The following ADAMTSL1 variants were observed in gnomAD, a reference collection of about 807,000 sequenced individuals.
The protein encoded by ADAMTSL1 is ADAMTS-like protein 1.
A neutral mutation model predicts 201.8 loss-of-function variants in ADAMTSL1; 126 were observed. The ratio of observed to expected loss-of-function variants is 0.62; its 90% CI spans 0.54 to 0.72. The LOEUF (loss-of-function observed/expected upper bound fraction) is 0.72, where lower values mean the gene tolerates loss of function less well. Among genes scored for constraint, ADAMTSL1 ranks in the 30% least tolerant of loss-of-function variants. The pLI is 0.00. For missense variants in ADAMTSL1, 2,679 were observed against 2,277.8 expected, an observed-to-expected ratio of 1.18 and a Z score of -3.59; for synonymous variants, 1,121 against 903.4, an observed-to-expected ratio of 1.24 and a Z score of -4.32.
chr9:18,654,823 G>T (rs1333064604), intron 7 of ADAMTSL1, among the ~76,000 whole-genome samples: 1 of 152,206 alleles, frequency 6.6e-6, no homozygotes, highest in Non-Finnish European at 1.5e-5. Flanking sequence ...CAGGCATACT[G>T]ATGTATGTTC....
rs541978289 is a variant in ADAMTSL1, at chr9:17,925,772, G to A, written c.87+18850G>A. Among the ~76,000 whole-genome samples, 77 of 149,192 alleles carry A rather than the reference G, an allele frequency of 5.2e-4. 1 individual carries two copies. The highest frequency in any genetic ancestry group is 1.8e-3 in the African/African-American group (72 of 40,580). On this transcript the variant is annotated intron_variant, in intron 1 of 29. Transcript: ENST00000680146. ...CTAATGCTAGATGACGAGTTAGTGG[G>A]TGCAGCGCACCAGCATGGCGCATGT...
chr9:18,817,762 AGAG>A (rs1662466545), intron 21 of ADAMTSL1, among the ~76,000 whole-genome samples: 1 of 152,256 alleles, frequency 6.6e-6, no homozygotes, highest in Non-Finnish European at 1.5e-5. Context: ...ACTGTAGTTT[AGAG>A]GAGAAGTCAT....
intron 13 of ADAMTSL1, among the ~76,000 whole-genome samples, chr9:18,685,544 G>T (rs778257614): frequency 6.1e-4 from 93 of 152,254 alleles, no homozygotes; most frequent in Non-Finnish European, 1.2e-3. Flanking sequence ...AAATTTCTCA[G>T]GTTGAAAAAT....
At chr9:18,761,621 A>G (rs1820075181) in intron 16 of ADAMTSL1, among the ~76,000 whole-genome samples, 2 of 152,248 alleles carry the variant, frequency 1.3e-5, no homozygotes, top group South Asian at 4.2e-4. Flanking sequence ...TTCTCTTGCC[A>G]TTGCTCCTTT....
rs147402506 is a variant in ADAMTSL1, at chr9:18,747,260, G to A, written c.2007-6038G>A. ...ACCTAACCTCTCAGAGTCTCTGTTA[G>A]CTGATCCTGTAAAATGGGGAAACTT... On this transcript the variant is annotated intron_variant, in intron 15 of 28. Transcript: ENST00000380548. Among the ~76,000 whole-genome samples the A allele has an allele frequency of 6.9e-4, 105 of 152,268 alleles. 2 individuals carry two copies. In the East Asian group the frequency reaches 0.019, roughly 28 times the overall value.
At chr9:18,893,596 C>G (rs1829432358) in intron 26 of ADAMTSL1, among the ~76,000 whole-genome samples, 2 of 152,218 alleles carry the variant, frequency 1.3e-5, no homozygotes, top group Admixed American at 1.3e-4. Context: ...CTTCTGGTAA[C>G]ATCAGTGCTG....
intron 4 of ADAMTSL1, among the ~76,000 whole-genome samples, chr9:18,595,897 T>C (rs966092229): frequency 6.6e-6 from 1 of 152,166 alleles, no homozygotes; most frequent in Non-Finnish European, 1.5e-5. Context: ...GTCTGCACTC[T>C]CAAAATGACC....
chr9:18,244,135 T>C (rs1380923765), intron 2 of ADAMTSL1, among the ~76,000 whole-genome samples: 1 of 151,478 alleles, frequency 6.6e-6, no homozygotes, highest in Non-Finnish European at 1.5e-5. Flanking sequence ...GTGTGGCCAA[T>C]TCATAGCTGC....
In ADAMTSL1 at chr9:18,504,852, G is replaced by C. The variant is rs1823034339; in HGVS notation, c.87G>C (p.Glu29Asp). ...AGAGTTCCAGGACCGCACGCTCCGA[G>C]GAGGACCGGGACGGCCTATGGGATG... ...LLLSSRTARSEEDRDGLWDAW... is the reference protein window; with the variant it reads ...LLLSSRTARSDEDRDGLWDAW... Residue 29 changes from glutamate (E) to aspartate (D), a missense_variant, in exon 2 of 29, where the codon GAG becomes GAC. Transcript: ENST00000380548. The C allele has an allele frequency of 6.2e-7, 1 of 1,614,152 alleles. No homozygotes were observed. The highest frequency in any genetic ancestry group is 8.5e-7 in the Non-Finnish European group (1 of 1,180,020).
intron 15 of ADAMTSL1, among the ~76,000 whole-genome samples, chr9:18,752,544 C>T (rs1484922191): frequency 1.3e-5 from 2 of 152,200 alleles, no homozygotes; most frequent in Non-Finnish European, 1.5e-5. Flanking sequence ...GCTGCATCAG[C>T]AGGGAAATGC....
At chr9:18,042,378 A>G (rs1265014879) in intron 1 of ADAMTSL1, among the ~76,000 whole-genome samples, 2 of 152,166 alleles carry the variant, frequency 1.3e-5, no homozygotes, top group Non-Finnish European at 2.9e-5. Context: ...CTGAGTGTTC[A>G]TTATATGCCA....
chr9:17,991,491 G>A (rs1486725296), intron 1 of ADAMTSL1, among the ~76,000 whole-genome samples: 6 of 152,200 alleles, frequency 3.9e-5, no homozygotes, highest in East Asian at 1.9e-4. Flanking sequence ...AGATCCCAGC[G>A]CCACAGATAT....
At chr9:18,860,016 T>C (rs1397327527) in intron 23 of ADAMTSL1, among the ~76,000 whole-genome samples, 1 of 152,202 alleles carries the variant, frequency 6.6e-6, no homozygotes, top group Non-Finnish European at 1.5e-5. Flanking sequence ...TAATGATGTG[T>C]GTGCATATGT....
intron 2 of ADAMTSL1, among the ~76,000 whole-genome samples, chr9:18,296,348 C>A (rs1420026430): frequency 6.6e-6 from 1 of 151,964 alleles, no homozygotes; most frequent in African/African-American, 2.4e-5. Flanking sequence ...ATTTGGATAA[C>A]AAGGAATATT....
chr9:18,460,929 T>C (rs75423900), intron 2 of ADAMTSL1, among the ~76,000 whole-genome samples: 3,450 of 152,290 alleles, frequency 0.023, 110 homozygotes, highest in African/African-American at 0.067. Flanking sequence ...TTGCAGACTC[T>C]TTATAAAAAC....
intron 2 of ADAMTSL1, among the ~76,000 whole-genome samples, chr9:18,435,602 G>T (rs1334845382): frequency 6.6e-6 from 1 of 152,202 alleles, no homozygotes; most frequent in East Asian, 1.9e-4. Context: ...GGAGGAAATG[G>T]AAGTGAACTG....
intron 1 of ADAMTSL1, among the ~76,000 whole-genome samples, chr9:18,129,829 A>G (rs960764981): frequency 3.9e-5 from 6 of 152,192 alleles, no homozygotes; most frequent in Non-Finnish European, 5.9e-5. Context: ...CACGGCCAAC[A>G]AGGAAGTAGC....
intron 5 of ADAMTSL1, among the ~76,000 whole-genome samples, chr9:18,623,471 G>A (rs564725022): frequency 1.3e-5 from 2 of 152,148 alleles, no homozygotes; most frequent in East Asian, 3.9e-4. Flanking sequence ...GCACTTACTT[G>A]TTTCTCTGGA....
chr9:18,878,091 C>G (rs1200535190), intron 23 of ADAMTSL1, among the ~76,000 whole-genome samples: 1 of 152,188 alleles, frequency 6.6e-6, no homozygotes, highest in African/African-American at 2.4e-5. Context: ...AGCTCCCATG[C>G]AGCCCGAAAG....
Sources: allele counts gnomAD v4.1 joint callset (sites outside exome capture counted in the v4.1 genomes callset), GRCh38; gene constraint gnomAD v4.1.1; transcripts MANE v1.5; gene names NCBI Gene and HGNC (gene_info 2026-07-23, HGNC 2026-07-21).